Variants in KAT14 observed in about 807,000 individuals in gnomAD.
KAT14 encodes the protein cysteine-rich protein 2-binding protein.
In KAT14, 66 loss-of-function variants were observed where a neutral mutation model predicts 78.4. That is an observed-to-expected ratio of 0.84 (90% CI 0.69 to 1.03). The LOEUF is 1.03. Ranked by LOEUF, KAT14 falls within the 50% of genes least tolerant of loss-of-function variation. The probability of loss-of-function intolerance (pLI) is 0.00; values close to 1 mark genes in which losing one functional copy is unlikely to be tolerated. For synonymous variants in KAT14, 344 were observed against 359.4 expected (o/e 0.96, Z 0.48); for missense variants, 870 against 972.5 (o/e 0.89, Z 1.40).
Position 18,162,880 on chromosome 20 carries a change from C to T in KAT14, c.1603C>T (p.Leu535Phe). 3.7e-6 allele frequency: 6 copies of T among 1,614,218 alleles called. No individual in the cohort carries two copies. Among genetic ancestry groups the T allele is most frequent in the Non-Finnish European group, 5.1e-6 (6 of 1,180,036 alleles). ...YGAKEGGISR[L>F]PAGQATYRTT... The stretch of plus-strand genomic sequence containing the variant: ...AGCCAAAGAAGGAGGAATTTCCAGA[C>T]TTCCAGCTGGACAAGCCACGTACAG... The change falls in exon 7 of 11, where the codon CTT becomes TTT. Residue 535 changes from leucine to phenylalanine, a missense_variant. Leu to Phe is a conservative substitution (Grantham distance 22, BLOSUM62 0). Transcript: ENST00000688188.
intron 7 of KAT14, among the ~76,000 whole-genome samples, chr20:18,175,717 C>G (rs1042750780): frequency 6.6e-6 from 1 of 151,850 alleles, no homozygotes; most frequent in African/African-American, 2.4e-5. Context: ...AAATGCAAGT[C>G]AAGTACATAA....
At chr20:18,138,981 A>C (rs2037414762) in intron 1 of KAT14, among the ~76,000 whole-genome samples, 1 of 151,940 alleles carries the variant, frequency 6.6e-6, no homozygotes, top group Non-Finnish European at 1.5e-5. Flanking sequence ...TAGTTCACCA[A>C]GGGTGAAAAT....
In KAT14 at chr20:18,187,452, G is replaced by A. The variant is rs753002948; in HGVS notation, c.2339G>A (p.Arg780Gln). Residue 780 changes from arginine to glutamine, a missense_variant, in exon 11 of 11, where the codon CGG becomes CAG. Coordinates refer to ENST00000688188, the MANE Select transcript of KAT14 (RefSeq NM_001392073.1). ...AAACACGCATTCTTTCTGAGGCTCCGGCGCTGATGCGAATACAGCTCACAG... is the reference window on the plus strand; with the variant it reads ...AAACACGCATTCTTTCTGAGGCTCCAGCGCTGATGCGAATACAGCTCACAG... ...ECKHAFFLRL[R>Q]R 5.6e-6 allele frequency: 9 copies of A among 1,613,932 alleles called. No individual in the cohort carries two copies. Among genetic ancestry groups the A allele is most frequent in the South Asian group, 3.3e-5 (3 of 91,008 alleles).
intron 7 of KAT14, among the ~76,000 whole-genome samples, chr20:18,166,260 C>G (rs1210474840): frequency 6.6e-6 from 1 of 152,186 alleles, no homozygotes; most frequent in Non-Finnish European, 1.5e-5. Flanking sequence ...TGTCCTGCAT[C>G]CACTGGCTGG....
At chr20:18,144,183 A>G (rs1186049359) in intron 2 of KAT14, among the ~76,000 whole-genome samples, 32 of 152,370 alleles carry the variant, frequency 2.1e-4, no homozygotes, top group East Asian at 1.9e-4. Flanking sequence ...AAATTTAGTC[A>G]CTGTTAACAA....
At chr20:18,158,960 C>G in intron 4 of KAT14, 124 bp from the exon 5 acceptor site, 2 of 1,212,732 alleles carry the variant, frequency 1.6e-6, no homozygotes, top group Non-Finnish European at 1.1e-6. Flanking sequence ...CTCTCGTGCT[C>G]TGCTCCTTCA....
chr20:18,143,472 T>C (rs2037669645), intron 2 of KAT14, among the ~76,000 whole-genome samples: 2 of 127,380 alleles, frequency 1.6e-5, no homozygotes, highest in South Asian at 2.4e-4. Flanking sequence ...CTTTTCTTTC[T>C]TTTTTTTTTT....
rs2038888328 is a variant in KAT14 at position 18,172,623 on chromosome 20, T to G, written c.1669-9087T>G. 3.9e-5 allele frequency among the ~76,000 whole-genome samples: 6 copies of G among 152,314 alleles called. No individual in the cohort carries two copies. The South Asian group carries it at 1.2e-3, about 32-fold the overall frequency. On this transcript the variant is annotated intron_variant, in intron 7 of 10. Coordinates refer to ENST00000688188, the MANE Select transcript of KAT14 (RefSeq NM_001392073.1). ...CAAAAACTTGTGCAGCTTGCTTTAT[T>G]ATGACATTCACTTTATTGCAGTGGT...
intron 4 of KAT14, among the ~76,000 whole-genome samples, chr20:18,154,347 C>G (rs2038148673): frequency 6.6e-6 from 1 of 152,200 alleles, no homozygotes; most frequent in African/African-American, 2.4e-5. Flanking sequence ...GAGTCCTGCT[C>G]TGTCGTCCAG....
rs954796147 is a variant in KAT14, at chr20:18,142,538, G to C, written c.-123G>C. 53 of 1,499,430 alleles carry C rather than the reference G, an allele frequency of 3.5e-5. No homozygotes were observed. In the African/African-American group the frequency reaches 6.8e-4, roughly 19 times the overall value. The allele number at this position is 1,499,430 out of a possible 1,614,324, so 92.9% of individuals were successfully genotyped here. ...GGGTCCCTTATATCTGAATAAAGGA[G>C]TGTGGGCAGACACTTTTTGGAAGAG... On this transcript the variant is annotated 5_prime_UTR_variant, in exon 2 of 11. Transcript: ENST00000688188.
intron 7 of KAT14, 76 bp from the exon 8 acceptor site, chr20:18,181,634 G>T: frequency 1.3e-6 from 2 of 1,591,366 alleles, no homozygotes; most frequent in Non-Finnish European, 1.7e-6. Context: ...TTCCCAAAGT[G>T]TTGGGATTAC....
chr20:18,181,138 A>G (rs1163058414), intron 7 of KAT14, among the ~76,000 whole-genome samples: 2 of 152,120 alleles, frequency 1.3e-5, no homozygotes, highest in Non-Finnish European at 2.9e-5. Context: ...ACTCCCTCTA[A>G]TGAGTTAAAA....
intron 5 of KAT14, among the ~76,000 whole-genome samples, chr20:18,160,620 A>T (rs1568667732): frequency 6.6e-6 from 1 of 152,034 alleles, no homozygotes; most frequent in Non-Finnish European, 1.5e-5. Flanking sequence ...AAACATTTTT[A>T]AAAAGTAATA....
chr20:18,145,062 A>T (rs1057135756), intron 2 of KAT14, 171 bp from the exon 3 acceptor site: 2 of 1,395,208 alleles, frequency 1.4e-6, no homozygotes, highest in African/African-American at 2.9e-5. Flanking sequence ...TTGGTGTTAG[A>T]AGAATAGAAA....
At chr20:18,157,462 A>C (rs1460256156) in intron 4 of KAT14, among the ~76,000 whole-genome samples, 1 of 152,232 alleles carries the variant, frequency 6.6e-6, no homozygotes, top group Non-Finnish European at 1.5e-5. Flanking sequence ...CAGTAAAAAC[A>C]GTGAAAATTT....
chr20:18,166,230 T>C (rs994151988), intron 7 of KAT14, among the ~76,000 whole-genome samples: 1 of 152,178 alleles, frequency 6.6e-6, no homozygotes, highest in Non-Finnish European at 1.5e-5. Flanking sequence ...CCTTACGCAC[T>C]TGGGTCGTCC....
chr20:18,162,307 C>G, intron 6 of KAT14, 68 bp downstream of exon 6: 3 of 1,605,862 alleles, frequency 1.9e-6, no homozygotes, highest in Non-Finnish European at 2.6e-6. Context: ...CAAGTTTTCA[C>G]CCCGTGGGCT....
intron 4 of KAT14, among the ~76,000 whole-genome samples, chr20:18,154,641 GTTGA>G (rs1292108074): frequency 1.4e-5 from 2 of 147,550 alleles, no homozygotes; most frequent in Non-Finnish European, 3.0e-5. Context: ...TCCTCGTAAA[GTTGA>G]TTGAAGTGTA....
chr20:18,174,579 A>G (rs1165247141), intron 7 of KAT14, among the ~76,000 whole-genome samples: 3 of 151,798 alleles, frequency 2.0e-5, no homozygotes, highest in African/African-American at 7.3e-5. Flanking sequence ...TTATACTTTA[A>G]AATTCTTGTC....
Sources: gnomAD v4.1 joint callset for allele counts (sites outside exome capture counted in the v4.1 genomes callset) on GRCh38, gnomAD v4.1.1 for gene constraint, MANE v1.5 for transcripts, NCBI Gene and HGNC (gene_info 2026-07-23, HGNC 2026-07-21) for gene names.